Variants in LAMA2 observed in about 807,000 individuals in gnomAD.
LAMA2 encodes the protein laminin subunit alpha-2.
Under a neutral mutation model 364.8 loss-of-function variants are expected in LAMA2, and 269 were observed. The ratio of observed to expected loss-of-function variants is 0.74; its 90% CI spans 0.67 to 0.82. LAMA2 has a LOEUF of 0.82. Among genes scored for constraint, LAMA2 ranks in the 40% least tolerant of loss-of-function variants. LAMA2 has a pLI of 0.00. For synonymous variants in LAMA2, 1,379 were observed against 1,370.6 expected (o/e 1.01, Z -0.14); for missense variants, 3,807 against 3,873.2 (o/e 0.98, Z 0.45).
chr6:129,105,161 G>A (rs1775745659), intron 4 of LAMA2, among the ~76,000 whole-genome samples: 1 of 152,172 alleles, frequency 6.6e-6, no homozygotes, highest in South Asian at 2.1e-4. Context: ...CCTAATAGGA[G>A]TTGCAGGGTA....
At chr6:128,971,645 A>G (rs1782194020) in intron 1 of LAMA2, among the ~76,000 whole-genome samples, 1 of 152,198 alleles carries the variant, frequency 6.6e-6, no homozygotes, top group South Asian at 2.1e-4. Context: ...AAGTCCTCTC[A>G]GAAGATATCT....
At chr6:129,320,830 A>G (rs935255969) in intron 28 of LAMA2, among the ~76,000 whole-genome samples, 175 bp downstream of exon 28, 1 of 152,266 alleles carries the variant, frequency 6.6e-6, no homozygotes, top group African/African-American at 2.4e-5. Flanking sequence ...AGTACAAATC[A>G]TACCTGAAGG....
chr6:129,262,362 T>C (rs745559772), intron 15 of LAMA2, among the ~76,000 whole-genome samples: 1 of 152,036 alleles, frequency 6.6e-6, no homozygotes. Flanking sequence ...CTACAGAACA[T>C]ACATGCAATA....
chr6:129,037,611 A>C (rs1786735235), intron 1 of LAMA2, among the ~76,000 whole-genome samples: 1 of 152,084 alleles, frequency 6.6e-6, no homozygotes, highest in Admixed American at 6.6e-5. Context: ...AAAATATAAT[A>C]ATATGCCAAG....
At chr6:129,171,226 G>A (rs1780129273) in intron 9 of LAMA2, among the ~76,000 whole-genome samples, 1 of 152,142 alleles carries the variant, frequency 6.6e-6, no homozygotes, top group South Asian at 2.1e-4. Flanking sequence ...GATGATGTTA[G>A]CTGGTTATTT....
intron 18 of LAMA2, 25 bp from the exon 19 acceptor site, chr6:129,287,822 T>C: frequency 6.3e-7 from 1 of 1,590,314 alleles, no homozygotes; most frequent in Non-Finnish European, 8.6e-7. Context: ...CCCCAAAGGC[T>C]CACTGATGAA....
At chr6:129,026,591 C>T (rs1020479309) in intron 1 of LAMA2, among the ~76,000 whole-genome samples, 1 of 152,068 alleles carries the variant, frequency 6.6e-6, no homozygotes, top group Non-Finnish European at 1.5e-5. Flanking sequence ...TTCTATTTCC[C>T]AAATAACTTC....
chr6:129,047,223 T>C (rs1787580367), intron 1 of LAMA2, among the ~76,000 whole-genome samples: 1 of 152,192 alleles, frequency 6.6e-6, no homozygotes, highest in South Asian at 2.1e-4. Flanking sequence ...TTTTAAATGG[T>C]ACTCTACTTT....
intron 4 of LAMA2, among the ~76,000 whole-genome samples, chr6:129,129,936 A>AT (rs1208519156): frequency 6.6e-5 from 10 of 150,844 alleles, no homozygotes; most frequent in African/African-American, 2.0e-4. Context: ...AAAAAAAAAA[A>AT]AAAAAAATAA....
chr6:129,213,130 G>A (rs1178377097), intron 12 of LAMA2, among the ~76,000 whole-genome samples: 6 of 152,170 alleles, frequency 3.9e-5, no homozygotes, highest in Admixed American at 6.5e-5. Context: ...CATACAATGT[G>A]TTGTCTTTTC....
chr6:129,344,093 A>G (rs999490430), intron 30 of LAMA2, among the ~76,000 whole-genome samples: 1 of 152,218 alleles, frequency 6.6e-6, no homozygotes, highest in African/African-American at 2.4e-5. Context: ...TGTAATAAGG[A>G]AACACTACAA....
chr6:129,110,721 G>A (rs975485787), intron 4 of LAMA2, among the ~76,000 whole-genome samples: 2 of 151,918 alleles, frequency 1.3e-5, no homozygotes, highest in Non-Finnish European at 2.9e-5. Flanking sequence ...CTAATCTCTG[G>A]TCCAGGTCCA....
intron 9 of LAMA2, among the ~76,000 whole-genome samples, chr6:129,169,226 C>A (rs997320179): frequency 2.0e-5 from 3 of 148,908 alleles, no homozygotes; most frequent in African/African-American, 7.7e-5. Context: ...GAGAGGGCAT[C>A]CCTGTCTTGT....
chr6:129,013,129 C>T (rs1202884161), intron 1 of LAMA2, among the ~76,000 whole-genome samples: 2 of 152,182 alleles, frequency 1.3e-5, no homozygotes, highest in East Asian at 3.9e-4. Flanking sequence ...TATATGATTA[C>T]ATTTTTATTT....
At chr6:129,087,984 G>A (rs1468200170) in intron 3 of LAMA2, among the ~76,000 whole-genome samples, 5 of 141,930 alleles carry the variant, frequency 3.5e-5, no homozygotes, top group African/African-American at 1.0e-4. Context: ...TGGAGGGAAG[G>A]TCAGCAGATA....
At chr6:129,397,137 A>C (rs1779699519) in intron 37 of LAMA2, among the ~76,000 whole-genome samples, 1 of 151,682 alleles carries the variant, frequency 6.6e-6, no homozygotes, top group African/African-American at 2.4e-5. Flanking sequence ...AAAGCTCTGG[A>C]ATAAATAAAG....
At chr6:129,331,654 CT>C (rs953730819) in intron 29 of LAMA2, among the ~76,000 whole-genome samples, 5 of 151,394 alleles carry the variant, frequency 3.3e-5, no homozygotes, top group East Asian at 3.9e-4. Flanking sequence ...TATATTGTCA[CT>C]TTTTTTTTCC....
intron 17 of LAMA2, among the ~76,000 whole-genome samples, chr6:129,278,792 T>C (rs1157708312): frequency 6.6e-6 from 1 of 152,124 alleles, no homozygotes; most frequent in East Asian, 1.9e-4. Context: ...ATTTAGACTT[T>C]CCACTGAGTT....
chr6:129,508,287 T>C (rs985271555), intron 62 of LAMA2, among the ~76,000 whole-genome samples: 7 of 152,250 alleles, frequency 4.6e-5, no homozygotes, highest in African/African-American at 1.7e-4. Context: ...TGACCTGAGA[T>C]ATTTTGATGT....
Sources: allele counts gnomAD v4.1 joint callset (sites outside exome capture counted in the v4.1 genomes callset), GRCh38; gene constraint gnomAD v4.1.1; transcripts MANE v1.5; gene names NCBI Gene and HGNC (gene_info 2026-07-23, HGNC 2026-07-21).